Variants in SPOCK1 observed in about 807,000 individuals in gnomAD.
The protein encoded by SPOCK1 is testican-1.
In SPOCK1, 23 loss-of-function variants were observed where a neutral mutation model predicts 55.3. The ratio of observed to expected loss-of-function variants is 0.42; its 90% CI spans 0.30 to 0.59. SPOCK1 has a LOEUF of 0.59. Ranked by LOEUF, SPOCK1 falls within the 20% of genes least tolerant of loss-of-function variation. The pLI is 0.22. For synonymous variants in SPOCK1, 226 were observed against 221.0 expected, an observed-to-expected ratio of 1.02 and a Z score of -0.20; for missense variants, 499 against 552.5, an observed-to-expected ratio of 0.90 and a Z score of 0.97.
chr5:137,282,675 C>T (rs1757189148), intron 2 of SPOCK1, among the ~76,000 whole-genome samples: 1 of 152,206 alleles, frequency 6.6e-6, no homozygotes, highest in South Asian at 2.1e-4. Context: ...TGCTGGGACT[C>T]TCCAACATCA....
chr5:137,302,324 C>G (rs1256468763), intron 2 of SPOCK1, among the ~76,000 whole-genome samples: 1 of 151,770 alleles, frequency 6.6e-6, no homozygotes. Context: ...AATCCCAGCA[C>G]TTTGGGAGGC....
chr5:137,332,253 T>C (rs1253383172), intron 2 of SPOCK1, among the ~76,000 whole-genome samples: 1 of 152,080 alleles, frequency 6.6e-6, no homozygotes, highest in Non-Finnish European at 1.5e-5. Context: ...GCCCCTCCCT[T>C]TGACCTGAGC....
At chr5:137,073,673 G>C (rs1415147380) in intron 5 of SPOCK1, among the ~76,000 whole-genome samples, 2 of 150,000 alleles carry the variant, frequency 1.3e-5, no homozygotes, top group African/African-American at 5.0e-5. Context: ...AGAGGAAAAT[G>C]CTTTTTTTTT....
chr5:137,291,807 C>T (rs1232198091), intron 2 of SPOCK1, among the ~76,000 whole-genome samples: 1 of 152,330 alleles, frequency 6.6e-6, no homozygotes, highest in South Asian at 2.1e-4. Flanking sequence ...GCTGACCACA[C>T]CCCCAGCCAG....
rs1561631638 is a variant in SPOCK1 at position 137,160,565 on chromosome 5, TATATATTATATAATATATATAATATATA to T, written c.233-19899_233-19872del. Among the ~76,000 whole-genome samples, 7 of 65,968 alleles carry T rather than the reference TATATATTATATAATATATATAATATATA, an allele frequency of 1.1e-4. No individual in the cohort carries two copies. The South Asian group carries it at 1.6e-3, about 15-fold the overall frequency. The allele number at this position is 65,968 out of a possible 152,430, so 43.3% of individuals were successfully genotyped here. ...AATATATATAATATATATTATATAT[TATATATTATATAATATATATAATATATA>T]ATATATTATATATAATATATAATAT... On this transcript the variant is annotated intron_variant, in intron 3 of 10. Coordinates refer to ENST00000394945, the MANE Select transcript of SPOCK1 (RefSeq NM_004598.4).
chr5:137,193,816 CG>C (rs1483785935), intron 3 of SPOCK1, among the ~76,000 whole-genome samples: 1 of 152,094 alleles, frequency 6.6e-6, no homozygotes, highest in Admixed American at 6.5e-5. Flanking sequence ...ACATGAACAG[CG>C]TCTGGCTGCC....
intron 6 of SPOCK1, among the ~76,000 whole-genome samples, chr5:137,023,849 C>T (rs1751618098): frequency 1.3e-5 from 2 of 151,786 alleles, no homozygotes; most frequent in Admixed American, 1.3e-4. Flanking sequence ...CATTGAGTAT[C>T]ATTAGCAAGA....
intron 5 of SPOCK1, among the ~76,000 whole-genome samples, chr5:137,080,927 G>A (rs1277499099): frequency 6.6e-6 from 1 of 152,210 alleles, no homozygotes; most frequent in Non-Finnish European, 1.5e-5. Flanking sequence ...CTACAAAGCA[G>A]CCCAGTAATG....
intron 2 of SPOCK1, among the ~76,000 whole-genome samples, chr5:137,437,326 G>T (rs1481964433): frequency 3.3e-5 from 5 of 152,182 alleles, no homozygotes; most frequent in African/African-American, 4.8e-5. Flanking sequence ...TCCCTGTAGA[G>T]GAGCACAGAG....
chr5:137,234,237 G>A (rs1229273125), intron 3 of SPOCK1, among the ~76,000 whole-genome samples: 1 of 152,170 alleles, frequency 6.6e-6, no homozygotes, highest in South Asian at 2.1e-4. Flanking sequence ...GGATTCTCAG[G>A]ACCAGCAGGG....
rs191622681 is a variant in SPOCK1 at position 137,479,014 on chromosome 5, C to T, written c.186+19359G>A. ...TAAGAAGAAAACCAAAGGGAGAAGGCGGTGGTCACCAGCCTTTGGGGTCAT... is the reference window on the plus strand; with the variant it reads ...TAAGAAGAAAACCAAAGGGAGAAGGTGGTGGTCACCAGCCTTTGGGGTCAT... On this transcript the variant is annotated intron_variant, in intron 2 of 10. Transcript: ENST00000394945. Among the ~76,000 whole-genome samples, 185 of 151,888 alleles carry T rather than the reference C, an allele frequency of 1.2e-3. 1 individual carries two copies. Among genetic ancestry groups the T allele is most frequent in the African/African-American group, 3.8e-3 (156 of 41,352 alleles).
Position 136,992,552 on chromosome 5 carries a change from C to A in SPOCK1, c.638G>T (p.Trp213Leu), listed in dbSNP as rs1158891066. The A allele has an allele frequency of 6.2e-7, 1 of 1,613,740 alleles. No homozygotes were observed. The highest frequency in any genetic ancestry group is 1.3e-5 in the African/African-American group (1 of 74,880). ...CGCATCCTCGTGGAGAGCTCCAAAC[C>A]AATCCTTCAGCCGGGAGGCAAGGTT... Reference protein sequence around the residue: ...LRNLASRLKDWFGALHEDANR... With the variant: ...LRNLASRLKDLFGALHEDANR... The change falls in exon 7 of 11, where the codon TGG becomes TTG. Residue 213 changes from tryptophan to leucine, a missense_variant. This residue lies in a region of SPOCK1 where 386 missense variants were observed against 400.6 expected (regional missense o/e 0.96). Coordinates refer to ENST00000394945, the MANE Select transcript of SPOCK1 (RefSeq NM_004598.4).
At chr5:137,260,897 G>T (rs1756732570) in intron 3 of SPOCK1, among the ~76,000 whole-genome samples, 1 of 152,232 alleles carries the variant, frequency 6.6e-6, no homozygotes. Context: ...GAGTGTGCGT[G>T]TCTGGGGCAG....
At chr5:137,225,117 C>T (rs1382970140) in intron 3 of SPOCK1, among the ~76,000 whole-genome samples, 1 of 152,004 alleles carries the variant, frequency 6.6e-6, no homozygotes, top group Admixed American at 6.6e-5. Context: ...GAGCCGCACA[C>T]AGGAAACCCA....
At chr5:136,989,830 A>AT (rs1159526290) in intron 7 of SPOCK1, among the ~76,000 whole-genome samples, 1 of 152,144 alleles carries the variant, frequency 6.6e-6, no homozygotes, top group East Asian at 1.9e-4. Context: ...ATCATTAAGC[A>AT]TTAATGACAG....
chr5:137,456,485 G>T (rs139512631), intron 2 of SPOCK1, among the ~76,000 whole-genome samples: 2 of 152,202 alleles, frequency 1.3e-5, no homozygotes, highest in Non-Finnish European at 2.9e-5. Flanking sequence ...AAGAATCTTG[G>T]TAATTCCTGA....
intron 2 of SPOCK1, among the ~76,000 whole-genome samples, chr5:137,413,294 T>C (rs561418219): frequency 1.3e-5 from 2 of 152,302 alleles, no homozygotes; most frequent in South Asian, 4.1e-4. Flanking sequence ...AATATAGAAA[T>C]ACACAAACAC....
At chr5:137,325,853 G>C (rs993938110) in intron 2 of SPOCK1, among the ~76,000 whole-genome samples, 1 of 152,196 alleles carries the variant, frequency 6.6e-6, no homozygotes, top group Non-Finnish European at 1.5e-5. Flanking sequence ...TGGGCCAAGG[G>C]CTAAAATAAA....
chr5:137,384,563 CA>C (rs1751558039), intron 2 of SPOCK1, among the ~76,000 whole-genome samples: 1 of 133,480 alleles, frequency 7.5e-6, no homozygotes, highest in East Asian at 2.0e-4. Context: ...TACATACATA[CA>C]TATATATATA....
Sources: gnomAD v4.1 joint callset for allele counts (sites outside exome capture counted in the v4.1 genomes callset) on GRCh38, gnomAD v4.1.1 for gene constraint, gnomAD v4.1.1 regional missense constraint, MANE v1.5 for transcripts, NCBI Gene and HGNC (gene_info 2026-07-23, HGNC 2026-07-21) for gene names.